Variants in LDLRAD4 observed in about 807,000 individuals in gnomAD.
LDLRAD4 encodes low-density lipoprotein receptor class A domain-containing protein 4.
LDLRAD4 carries 5 observed loss-of-function variants against 17.0 expected under a neutral mutation model. That is an observed-to-expected ratio of 0.29 (90% CI 0.15 to 0.62). LDLRAD4 has a LOEUF of 0.62. LDLRAD4 is among the 20% of genes least tolerant of loss of function. LDLRAD4 has a pLI of 0.84. For missense variants in LDLRAD4, 340 were observed against 424.7 expected, an observed-to-expected ratio of 0.80 and a Z score of 1.75; for synonymous variants, 168 against 171.8, an observed-to-expected ratio of 0.98 and a Z score of 0.17.
intron 1 of LDLRAD4, among the ~76,000 whole-genome samples, chr18:13,253,271 C>A (rs996447591): frequency 6.6e-6 from 1 of 152,032 alleles, no homozygotes; most frequent in Non-Finnish European, 1.5e-5. Context: ...CCAGGACCCT[C>A]GCCCGGAGCC....
At chr18:13,245,560 T>C (rs777748983) in intron 1 of LDLRAD4, among the ~76,000 whole-genome samples, 4 of 152,248 alleles carry the variant, frequency 2.6e-5, no homozygotes, top group Non-Finnish European at 1.5e-5. Context: ...GGCTCAGGGC[T>C]GGCTCTCAGG....
chr18:13,628,305 A>G (rs1001424506), intron 4 of LDLRAD4, among the ~76,000 whole-genome samples: 5 of 152,222 alleles, frequency 3.3e-5, no homozygotes, highest in African/African-American at 1.2e-4. Flanking sequence ...AAAGAGCCAC[A>G]GGCTTCCTCT....
intron 3 of LDLRAD4, among the ~76,000 whole-genome samples, chr18:13,502,889 G>T (rs964231649): frequency 1.3e-5 from 2 of 152,264 alleles, no homozygotes; most frequent in African/African-American, 4.8e-5. Context: ...TGGGATCCCA[G>T]TTGTTGGAGG....
At chr18:13,591,857 A>G (rs192903496) in intron 3 of LDLRAD4, among the ~76,000 whole-genome samples, 1 of 152,306 alleles carries the variant, frequency 6.6e-6, no homozygotes, top group Admixed American at 6.5e-5. Flanking sequence ...GGATTGTTTG[A>G]TTTGATTGTT....
intron 2 of LDLRAD4, among the ~76,000 whole-genome samples, chr18:13,403,853 G>A (rs1293414793): frequency 1.3e-5 from 2 of 152,262 alleles, no homozygotes; most frequent in Admixed American, 6.5e-5. Context: ...TCTGTTGTCT[G>A]TGAAGCCTGT....
chr18:13,326,255 A>G (rs925525391), intron 1 of LDLRAD4, among the ~76,000 whole-genome samples: 8 of 152,138 alleles, frequency 5.3e-5, no homozygotes, highest in Non-Finnish European at 1.0e-4. Context: ...TGTTTCCTTA[A>G]AGGGGGGAAG....
intron 3 of LDLRAD4, among the ~76,000 whole-genome samples, chr18:13,473,673 A>ATG (rs2092851029): frequency 8.8e-6 from 1 of 113,746 alleles, no homozygotes; most frequent in African/African-American, 3.5e-5. Flanking sequence ...ATATATATAT[A>ATG]TATATAACGT....
rs201700739 is a variant in LDLRAD4, at chr18:13,645,141, G to A, written c.405G>A (p.Pro135=). ...TTTCCTTCCAGATCATGCATGCCCC[G>A]CGGTCCAGGGACAGGTTCACAGCGC... Residue 135 remains proline (P), a synonymous_variant, in exon 6 of 6, where the codon CCG becomes CCA. Coordinates refer to ENST00000359446, the Ensembl canonical transcript of LDLRAD4. This position sits in a 1 kb window ranked among gnomAD's most constrained non-coding sequence, Gnocchi z 5.7. 27 of 1,609,122 alleles carry A rather than the reference G, an allele frequency of 1.7e-5. No individual in the cohort carries two copies. Among genetic ancestry groups the A allele is most frequent in the African/African-American group, 2.7e-5 (2 of 74,744 alleles).
intron 1 of LDLRAD4, among the ~76,000 whole-genome samples, chr18:13,258,781 A>G (rs764202927): frequency 6.6e-6 from 1 of 152,200 alleles, no homozygotes; most frequent in Non-Finnish European, 1.5e-5. Context: ...TTCATGATAC[A>G]TATTTCCTCT....
intron 3 of LDLRAD4, among the ~76,000 whole-genome samples, chr18:13,463,644 GTAAC>G (rs2092515986): frequency 6.6e-6 from 1 of 152,076 alleles, no homozygotes; most frequent in African/African-American, 2.4e-5. Context: ...CTAATTCTGA[GTAAC>G]TAACGGCAGG....
intron 3 of LDLRAD4, among the ~76,000 whole-genome samples, chr18:13,505,124 T>C (rs1028474828): frequency 7.9e-5 from 12 of 152,122 alleles, no homozygotes; most frequent in Non-Finnish European, 1.6e-4. Flanking sequence ...AATAAGGAAA[T>C]ATAAAAATGT....
chr18:13,401,884 G>A (rs1251725182), intron 2 of LDLRAD4, among the ~76,000 whole-genome samples: 6 of 152,164 alleles, frequency 3.9e-5, no homozygotes, highest in African/African-American at 1.2e-4. Context: ...CCTGAGGTTT[G>A]TGGACTGACT....
intron 2 of LDLRAD4, among the ~76,000 whole-genome samples, chr18:13,436,567 G>T (rs1050567928): frequency 1.4e-4 from 22 of 152,138 alleles, no homozygotes; most frequent in African/African-American, 5.3e-4. Context: ...CGGTTAATGC[G>T]CTTTTCATGT....
At chr18:13,305,678 G>A (rs2046870775) in intron 1 of LDLRAD4, among the ~76,000 whole-genome samples, 2 of 152,210 alleles carry the variant, frequency 1.3e-5, no homozygotes, top group Admixed American at 1.3e-4. Flanking sequence ...GTAGATTGAG[G>A]TTGGCAGCTG....
intron 1 of LDLRAD4, among the ~76,000 whole-genome samples, chr18:13,224,984 C>T (rs779000152): frequency 1.7e-4 from 26 of 151,936 alleles, no homozygotes; most frequent in Non-Finnish European, 3.4e-4. Context: ...TACAGGCATG[C>T]ACCACTACAC....
At chr18:13,385,113 G>A (rs765296651) in intron 1 of LDLRAD4, among the ~76,000 whole-genome samples, 9 of 152,100 alleles carry the variant, frequency 5.9e-5, no homozygotes, top group Admixed American at 5.2e-4. Flanking sequence ...CAGTGTACAC[G>A]GGTTCCCTTT....
At chr18:13,603,140 A>G (rs1214407972) in intron 3 of LDLRAD4, among the ~76,000 whole-genome samples, 1 of 152,206 alleles carries the variant, frequency 6.6e-6, no homozygotes, top group East Asian at 1.9e-4. Flanking sequence ...AGATAAGGAA[A>G]AGGATAAAAG....
chr18:13,635,855 A>G (rs1361370885), intron 4 of LDLRAD4, among the ~76,000 whole-genome samples: 1 of 152,210 alleles, frequency 6.6e-6, no homozygotes, highest in Admixed American at 6.5e-5. Flanking sequence ...GGCAACTTCC[A>G]GGGCCAAGCC....
intron 1 of LDLRAD4, among the ~76,000 whole-genome samples, chr18:13,321,585 G>T (rs759481989): frequency 6.6e-6 from 1 of 152,056 alleles, no homozygotes; most frequent in Admixed American, 6.5e-5. Flanking sequence ...AACACACAAG[G>T]CTGGGCGTGG....
Sources: allele counts gnomAD v4.1 joint callset (sites outside exome capture counted in the v4.1 genomes callset), GRCh38; gene constraint gnomAD v4.1.1; non-coding constraint Gnocchi (gnomAD v3.1); transcripts MANE v1.5; gene names NCBI Gene and HGNC (gene_info 2026-07-23, HGNC 2026-07-21).